CDH3: variants seen among roughly 807,000 people sequenced by gnomAD.
The protein encoded by CDH3 is cadherin 3, also known as cadherin-3.
A neutral mutation model predicts 82.0 loss-of-function variants in CDH3; 54 were observed. That is an observed-to-expected ratio of 0.66 (90% CI 0.53 to 0.83). The LOEUF (loss-of-function observed/expected upper bound fraction) is 0.83. Among genes scored for constraint, CDH3 ranks in the 40% least tolerant of loss-of-function variants. The pLI, the probability that CDH3 is intolerant of heterozygous loss-of-function variation, is 0.00. For synonymous variants in CDH3, 446 were observed against 437.9 expected (o/e 1.02, Z -0.23); for missense variants, 1,054 against 1,084.6 (o/e 0.97, Z 0.40).
At chr16:68,715,781 A>G (rs1180359919) in intron 1 of CDH3, among the ~76,000 whole-genome samples, 1 of 152,238 alleles carries the variant, frequency 6.6e-6, no homozygotes, top group Non-Finnish European at 1.5e-5. Flanking sequence ...AAGACCTCAC[A>G]GTACCAGGCC....
intron 13 of CDH3, among the ~76,000 whole-genome samples, chr16:68,693,796 G>A (rs536616730): frequency 3.3e-5 from 5 of 152,248 alleles, no homozygotes; most frequent in East Asian, 3.9e-4. Context: ...CTCTTAAATC[G>A]AACTGCCATA....
chr16:68,669,572 T>G (rs541748746), intron 2 of CDH3, among the ~76,000 whole-genome samples: 9 of 151,804 alleles, frequency 5.9e-5, no homozygotes, highest in African/African-American at 2.2e-4. Flanking sequence ...GGAAGCAGAT[T>G]TTGTAGACAG....
chr16:68,678,516 G>A lies in CDH3; in HGVS notation c.406G>A (p.Asp136Asn). Reference sequence around the variant, plus strand: ...TTCCCTCCAGCTCAAGTCTAATAAAGATAGAGACACCAAGATTTTCTACAG... The same window carrying A: ...TTCCCTCCAGCTCAAGTCTAATAAAAATAGAGACACCAAGATTTTCTACAG... ...QRLNQLKSNK[D>N]RDTKIFYSIT... Residue 136 changes from aspartate to asparagine, a missense_variant, in exon 5 of 16, where the codon GAT becomes AAT. By Grantham distance (23) the Asp-to-Asn change is conservative. Coordinates refer to ENST00000264012, the MANE Select transcript of CDH3 (RefSeq NM_001793.6). 1 of 1,614,232 alleles carries A rather than the reference G, an allele frequency of 6.2e-7. No individual in the cohort carries two copies. The highest frequency in any genetic ancestry group is 8.5e-7 in the Non-Finnish European group (1 of 1,180,042).
At chr16:68,731,446 ACACACG>A (rs375047502), downstream of CDH3, among the ~76,000 whole-genome samples, 1,344 of 15,002 alleles carry the variant, frequency 0.09, 381 homozygotes, top group African/African-American at 0.17. Context: ...ATATATACAC[ACACACG>A]TATATACACA....
At chr16:68,661,237 CTG>C (rs1663371657) in intron 2 of CDH3, among the ~76,000 whole-genome samples, 1 of 152,146 alleles carries the variant, frequency 6.6e-6, no homozygotes, top group Non-Finnish European at 1.5e-5. Flanking sequence ...TGAAATATAT[CTG>C]TATTATAATG....
chr16:68,694,625 A>C (rs1158693104), intron 13 of CDH3, among the ~76,000 whole-genome samples: 1 of 29,030 alleles, frequency 3.4e-5, no homozygotes, highest in Admixed American at 2.8e-4. Context: ...TCTGTCTCAA[A>C]AAAAAAAAAA....
At chr16:68,694,177 T>C (rs747800657) in intron 13 of CDH3, among the ~76,000 whole-genome samples, 1 of 150,922 alleles carries the variant, frequency 6.6e-6, no homozygotes, top group Non-Finnish European at 1.5e-5. Flanking sequence ...AATAAATAAA[T>C]AAATGGGCCC....
At position 68,692,212 on chromosome 16, in the gene CDH3, T is replaced by C. The variant is rs1961599722; in HGVS notation, c.2002+286T>C. The stretch of plus-strand genomic sequence containing the variant: ...CCACCACGCCCAGCTCATTTTTGTA[T>C]TTTTTGTAAAAATGGGGCCTCACTA... On this transcript the variant is annotated intron_variant, in intron 13 of 15. Coordinates refer to ENST00000264012, the MANE Select transcript of CDH3 (RefSeq NM_001793.6). Among the ~76,000 whole-genome samples, 5 of 152,116 alleles carry C rather than the reference T, an allele frequency of 3.3e-5. No homozygotes were observed. The South Asian group carries it at 8.3e-4, about 25-fold the overall frequency.
downstream of CDH3, among the ~76,000 whole-genome samples, chr16:68,700,818 C>T (rs1214823074): frequency 6.6e-6 from 1 of 152,172 alleles, no homozygotes; most frequent in Non-Finnish European, 1.5e-5. Flanking sequence ...CACGCCACTG[C>T]ACTCCAGCCC....
intron 3 of CDH3, 66 bp downstream of exon 3, chr16:68,676,536 C>T: frequency 7.7e-7 from 1 of 1,301,570 alleles, no homozygotes; most frequent in Non-Finnish European, 1.1e-6. Flanking sequence ...AAATTGCTGG[C>T]CAGGAGCCCT....
intron 2 of CDH3, among the ~76,000 whole-genome samples, chr16:68,670,689 ATAAGT>A (rs1320790998): frequency 2.0e-5 from 3 of 152,194 alleles, no homozygotes; most frequent in Admixed American, 6.5e-5. Flanking sequence ...TAAATACCTA[ATAAGT>A]TAATTCAAGT....
intron 1 of CDH3, among the ~76,000 whole-genome samples, chr16:68,720,312 T>C (rs752252015): frequency 1.3e-5 from 2 of 151,904 alleles, no homozygotes; most frequent in Non-Finnish European, 2.9e-5. Context: ...TGTGAAATTC[T>C]GGGTAGCAAG....
intron 12 of CDH3, among the ~76,000 whole-genome samples, chr16:68,690,255 G>C (rs554413489): frequency 6.6e-6 from 1 of 152,320 alleles, no homozygotes; most frequent in Admixed American, 6.5e-5. Flanking sequence ...TGATAACACA[G>C]GTTAGCATCT....
chr16:68,681,344 T>TG (rs529180477), intron 8 of CDH3, among the ~76,000 whole-genome samples: 380 of 152,378 alleles, frequency 2.5e-3, no homozygotes, highest in Middle Eastern at 6.8e-3. Context: ...CCTAACACGA[T>TG]GCCCTAAAAG....
chr16:68,691,068 T>C (rs1458952022), intron 12 of CDH3, among the ~76,000 whole-genome samples: 1 of 147,554 alleles, frequency 6.8e-6, no homozygotes, highest in Non-Finnish European at 1.5e-5. Flanking sequence ...TGCAGTGGCA[T>C]GATCTCAGTT....
Position 68,645,642 on chromosome 16 carries a change from T to C in CDH3, c.52T>C (p.Trp18Arg). The C allele has an allele frequency of 4.5e-6, 7 of 1,542,100 alleles. No individual in the cohort carries two copies. Among genetic ancestry groups the C allele is most frequent in the Non-Finnish European group, 6.1e-6 (7 of 1,146,498 alleles). Residue 18 changes from tryptophan to arginine, a missense_variant, in exon 2 of 16, where the codon TGG becomes CGG. By Grantham distance (101) the Trp-to-Arg change is moderately radical. Transcript: ENST00000264012. ...LASLLLLQVC[W>R]LQCAASEPCR... The stretch of plus-strand genomic sequence containing the variant: ...TCTCTGCCCTCGGGCGCAGGTTTGC[T>C]GGCTGCAGTGCGCGGCCTCCGAGCC...
At chr16:68,721,962 G>A (rs1962170178) in intron 1 of CDH3, among the ~76,000 whole-genome samples, 1 of 151,988 alleles carries the variant, frequency 6.6e-6, no homozygotes, top group Non-Finnish European at 1.5e-5. Context: ...TGTGGCGGGT[G>A]CCTGTAACTC....
rs1319939500 is a variant in CDH3 at position 68,678,855 on chromosome 16, A to G, written c.640A>G (p.Lys214Glu). ...GACCGACCAGAATGACCACAAGCCC[A>G]AGTTTACCCAGGACACCTTCCGAGG... is the stretch of plus-strand genomic sequence containing the variant. ...IVTDQNDHKP[K>E]FTQDTFRGSV... Residue 214 changes from lysine (K) to glutamate (E), a missense_variant, in exon 6 of 16, where the codon AAG becomes GAG. Coordinates refer to ENST00000264012, the MANE Select transcript of CDH3 (RefSeq NM_001793.6). 6.2e-7 allele frequency: 1 copy of G among 1,614,088 alleles called. No individual in the cohort carries two copies. Among genetic ancestry groups the G allele is most frequent in the Non-Finnish European group, 8.5e-7 (1 of 1,180,024 alleles).
chr16:68,710,935 G>GGAGGGGAGGGGAGGA (rs1467858075), intron 1 of CDH3, among the ~76,000 whole-genome samples: 1 of 129,348 alleles, frequency 7.7e-6, no homozygotes, highest in Non-Finnish European at 1.7e-5. Flanking sequence ...AGGAGAGAAG[G>GGAGGGGAGGGGAGGA]GAGGGGAGGG....
Sources: allele counts gnomAD v4.1 joint callset (sites outside exome capture counted in the v4.1 genomes callset), GRCh38; gene constraint gnomAD v4.1.1; transcripts MANE v1.5; gene names NCBI Gene and HGNC (gene_info 2026-07-23, HGNC 2026-07-21).